ATG7: variants seen among roughly 807,000 people sequenced by gnomAD.
ATG7 encodes autophagy related 7.
ATG7 carries 70 observed loss-of-function variants against 82.4 expected under a neutral mutation model. The observed-to-expected ratio is 0.85, with a 90% confidence interval of 0.70 to 1.04. ATG7 has a LOEUF of 1.04. Among genes scored for constraint, ATG7 ranks in the 50% least tolerant of loss-of-function variants. ATG7 has a pLI of 0.00. For synonymous variants in ATG7, 287 were observed against 313.0 expected, an observed-to-expected ratio of 0.92 and a Z score of 0.88; for missense variants, 792 against 864.3, an observed-to-expected ratio of 0.92 and a Z score of 1.05.
At chr3:11,378,027 ATTTT>A (rs61176051) in intron 18 of ATG7, among the ~76,000 whole-genome samples, 1 of 92,742 alleles carries the variant, frequency 1.1e-5, no homozygotes, top group Admixed American at 1.5e-4. Flanking sequence ...CCAGTTACCA[ATTTT>A]TTTTTTTTTT....
chr3:11,534,800 T>C (rs1469425627), intron 20 of ATG7, among the ~76,000 whole-genome samples: 2 of 152,218 alleles, frequency 1.3e-5, no homozygotes, highest in African/African-American at 2.4e-5. Context: ...CTGGCCACTT[T>C]GGGACTGCAC....
intron 20 of ATG7, among the ~76,000 whole-genome samples, chr3:11,481,403 G>GT (rs1294050799): frequency 6.6e-6 from 1 of 152,160 alleles, no homozygotes; most frequent in African/African-American, 2.4e-5. Flanking sequence ...TTTGCTGTAA[G>GT]TTTTAAGTTT....
intron 15 of ATG7, among the ~76,000 whole-genome samples, chr3:11,359,404 G>A (rs967747593): frequency 1.3e-5 from 2 of 151,958 alleles, no homozygotes; most frequent in South Asian, 4.1e-4. Context: ...ATGAAAAAAC[G>A]GTTTCTTAAA....
At chr3:11,325,848 T>C (rs1395169732) in intron 9 of ATG7, among the ~76,000 whole-genome samples, 1 of 152,234 alleles carries the variant, frequency 6.6e-6, no homozygotes, top group Non-Finnish European at 1.5e-5. Context: ...ATTTTCTAGA[T>C]TGATACTGCC....
At chr3:11,458,473 C>G (rs1385547580) in intron 20 of ATG7, among the ~76,000 whole-genome samples, 1 of 152,162 alleles carries the variant, frequency 6.6e-6, no homozygotes, top group African/African-American at 2.4e-5. Flanking sequence ...CCGTGTTAGC[C>G]AGGATGGTCT....
chr3:11,573,333 A>G, the ATG7 span, among the ~76,000 whole-genome samples: 2,771 of 68,328 alleles, frequency 0.041, 184 homozygotes, highest in Admixed American at 0.076. Flanking sequence ...GAAAGAAAGA[A>G]AGAAAGAAAG....
intron 18 of ATG7, 61 bp from the exon 19 acceptor site, chr3:11,379,911 C>A: frequency 6.6e-7 from 1 of 1,505,490 alleles, no homozygotes; most frequent in Non-Finnish European, 9.2e-7. Flanking sequence ...ACCAGACGTG[C>A]ATTTCATAGA....
chr3:11,433,626 A>C (rs1197256902), intron 20 of ATG7, among the ~76,000 whole-genome samples: 1 of 152,168 alleles, frequency 6.6e-6, no homozygotes, highest in Non-Finnish European at 1.5e-5. Flanking sequence ...ATTTCCCTGA[A>C]ATACTTCATT....
chr3:11,552,592 A>C (rs951279845), intron 20 of ATG7, among the ~76,000 whole-genome samples: 70 of 152,210 alleles, frequency 4.6e-4, no homozygotes, highest in African/African-American at 1.5e-3. Context: ...AGCCCAGCCA[A>C]TGGGACGAAG....
At chr3:11,439,269 A>G (rs2083659821) in intron 20 of ATG7, among the ~76,000 whole-genome samples, 1 of 151,656 alleles carries the variant, frequency 6.6e-6, no homozygotes, top group Admixed American at 6.6e-5. Context: ...GGGTTTCGCC[A>G]TGTTGGCCAG....
chr3:11,493,197 AG>A (rs2090537648), intron 20 of ATG7, among the ~76,000 whole-genome samples: 1 of 152,202 alleles, frequency 6.6e-6, no homozygotes, highest in African/African-American at 2.4e-5. Context: ...GGGGGTGGGA[AG>A]GCCAGGTCAC....
chr3:11,414,604 A>T (rs903060112), intron 19 of ATG7, among the ~76,000 whole-genome samples: 1 of 151,716 alleles, frequency 6.6e-6, no homozygotes, highest in Non-Finnish European at 1.5e-5. Flanking sequence ...TGGTAAGGGG[A>T]TTTTCTTGCC....
At chr3:11,519,356 G>A (rs571613808) in intron 20 of ATG7, among the ~76,000 whole-genome samples, 2 of 152,062 alleles carry the variant, frequency 1.3e-5, no homozygotes, top group African/African-American at 4.8e-5. Context: ...GTGTTTCCTT[G>A]ACGCAGTATT....
chr3:11,409,646 C>T (rs2080703864), intron 19 of ATG7, among the ~76,000 whole-genome samples: 1 of 152,148 alleles, frequency 6.6e-6, no homozygotes, highest in South Asian at 2.1e-4. Flanking sequence ...TTGCCAAACC[C>T]AGAGTCATCT....
At chr3:11,315,577 C>T in intron 9 of ATG7, 84 bp downstream of exon 9, 3 of 1,238,330 alleles carry the variant, frequency 2.4e-6, no homozygotes, top group South Asian at 1.8e-5. Flanking sequence ...CTGCAAAATT[C>T]AAACTTGTTT....
At position 11,555,450 on chromosome 3, in the gene ATG7, G is replaced by GCTTT. The variant is rs763442201; in HGVS notation, c.*610_*613dup. ...GGACTGAGTGAGCTGCTCAGACATG[G>GCTTT]CTTTCTGCCTCCCAGCCTGTCCTCC... On this transcript the variant is annotated 3_prime_UTR_variant, in exon 21 of 21. Transcript: ENST00000693202. The GCTTT allele has an allele frequency of 2.6e-5, 4 of 152,658 alleles. No individual in the cohort carries two copies. Among genetic ancestry groups the GCTTT allele is most frequent in the Middle Eastern group, 3.1e-3 (1 of 322 alleles). 9.5% of individuals were successfully genotyped at this position (152,658 alleles called of 1,614,324 possible).
At chr3:11,560,846 C>T (rs116655610), downstream of ATG7, among the ~76,000 whole-genome samples, 2,861 of 152,264 alleles carry the variant, frequency 0.019, 56 homozygotes, top group African/African-American at 0.05. Context: ...TGGAGCTGGG[C>T]TGAATGTCCA....
In ATG7 at chr3:11,372,912, C is replaced by CA. The variant is rs2077134106; in HGVS notation, c.1876-7058dup. On this transcript the variant is annotated intron_variant, in intron 18 of 20. Transcript: ENST00000693202. The stretch of plus-strand genomic sequence containing the variant: ...GTGGGGAGAGGGGAGAATGAGAAAA[C>CA]AATATTCAGGTGAGGCTGTTTAAAA... Among the ~76,000 whole-genome samples the CA allele has an allele frequency of 2.0e-5, 3 of 150,702 alleles. 1 individual carries two copies. Among genetic ancestry groups the CA allele is most frequent in the Non-Finnish European group, 4.4e-5 (3 of 67,752 alleles).
intron 20 of ATG7, among the ~76,000 whole-genome samples, chr3:11,478,414 A>G (rs1002380869): frequency 3.3e-5 from 5 of 152,226 alleles, no homozygotes; most frequent in Non-Finnish European, 5.9e-5. Context: ...TCTAAGGACA[A>G]GGTCCTGAAG....
Sources: allele counts gnomAD v4.1 joint callset (sites outside exome capture counted in the v4.1 genomes callset), GRCh38; gene constraint gnomAD v4.1.1; transcripts MANE v1.5; gene names NCBI Gene and HGNC (gene_info 2026-07-23, HGNC 2026-07-21).